GPC5: variants seen among roughly 807,000 people sequenced by gnomAD.
The protein encoded by GPC5 is glypican 5, also known as glypican-5.
A neutral mutation model predicts 53.9 loss-of-function variants in GPC5; 47 were observed. The observed-to-expected ratio is 0.87, with a 90% CI of 0.69 to 1.11. The LOEUF (loss-of-function observed/expected upper bound fraction) is 1.11. GPC5 is among the 50% of genes most tolerant of loss of function. The pLI, the probability that GPC5 is intolerant of heterozygous loss-of-function variation, is 0.00. For missense variants in GPC5, 748 were observed against 713.1 expected, an observed-to-expected ratio of 1.05 and a Z score of -0.56; for synonymous variants, 286 against 263.3, an observed-to-expected ratio of 1.09 and a Z score of -0.84.
chr13:91,430,432 T>C (rs74711055), intron 1 of GPC5, among the ~76,000 whole-genome samples: 5,459 of 152,274 alleles, frequency 0.036, 145 homozygotes, highest in Middle Eastern at 0.068. Flanking sequence ...ATAAAGTCAA[T>C]AAAATATGAA....
In GPC5 at chr13:91,596,006, T is replaced by G. The variant is rs568901956; in HGVS notation, c.326-97181T>G. ...CTTTTTCTCTTTGTAGTTCAAGTATTTCTTGCTTCAGGTATTTTGAATTTT... is the reference window on the plus strand; with the variant it reads ...CTTTTTCTCTTTGTAGTTCAAGTATGTCTTGCTTCAGGTATTTTGAATTTT... On this transcript the variant is annotated intron_variant, in intron 2 of 7. Transcript: ENST00000377067. Among the ~76,000 whole-genome samples the G allele has an allele frequency of 2.6e-5, 4 of 152,344 alleles. No homozygotes were observed. In the South Asian group the frequency reaches 8.3e-4, roughly 32 times the overall value.
At chr13:92,036,798 A>G (rs1341719625) in intron 6 of GPC5, among the ~76,000 whole-genome samples, 1 of 152,216 alleles carries the variant, frequency 6.6e-6, no homozygotes. Context: ...AACAAGAATT[A>G]GTTAACAAAG....
chr13:91,777,272 T>C (rs1384758887), intron 5 of GPC5, among the ~76,000 whole-genome samples: 1 of 152,248 alleles, frequency 6.6e-6, no homozygotes, highest in Non-Finnish European at 1.5e-5. Flanking sequence ...ATATCCTTTT[T>C]TCTTGTATTC....
intron 1 of GPC5, among the ~76,000 whole-genome samples, chr13:91,419,645 A>G (rs1878468340): frequency 6.6e-6 from 1 of 152,352 alleles, no homozygotes; most frequent in African/African-American, 2.4e-5. Context: ...GATTGTGGTT[A>G]TCGTGGCCAG....
At chr13:91,900,506 G>T (rs1354117002) in intron 5 of GPC5, among the ~76,000 whole-genome samples, 2 of 151,988 alleles carry the variant, frequency 1.3e-5, no homozygotes, top group African/African-American at 4.8e-5. Context: ...AGCATTATTG[G>T]TAATTGATTA....
At chr13:91,461,171 G>A (rs572213340) in intron 2 of GPC5, among the ~76,000 whole-genome samples, 3 of 152,132 alleles carry the variant, frequency 2.0e-5, no homozygotes, top group Non-Finnish European at 2.9e-5. Context: ...AAAGATAATC[G>A]AACTTTTGCA....
At chr13:91,632,699 A>G (rs2034189465) in intron 2 of GPC5, among the ~76,000 whole-genome samples, 1 of 152,092 alleles carries the variant, frequency 6.6e-6, no homozygotes. Context: ...TATTAGGGGC[A>G]TGGTCCATAG....
intron 5 of GPC5, among the ~76,000 whole-genome samples, chr13:91,881,131 C>T (rs948271421): frequency 1.3e-5 from 2 of 151,858 alleles, no homozygotes; most frequent in African/African-American, 4.8e-5. Flanking sequence ...GGACAAAAGT[C>T]CCCAGAAATA....
intron 6 of GPC5, among the ~76,000 whole-genome samples, chr13:91,970,430 G>GCCC (rs200932010): frequency 1.3e-5 from 2 of 150,644 alleles, no homozygotes; most frequent in African/African-American, 4.9e-5. Context: ...GGAGTAGATT[G>GCCC]CCCCCCCCTC....
intron 6 of GPC5, among the ~76,000 whole-genome samples, chr13:91,930,635 A>G (rs1196925150): frequency 6.6e-6 from 1 of 152,016 alleles, no homozygotes; most frequent in African/African-American, 2.4e-5. Flanking sequence ...ATGGCAGCCC[A>G]ATAAATATGT....
At chr13:91,558,604 A>G (rs1010756527) in intron 2 of GPC5, among the ~76,000 whole-genome samples, 1 of 152,148 alleles carries the variant, frequency 6.6e-6, no homozygotes, top group Non-Finnish European at 1.5e-5. Context: ...TGGGACATCC[A>G]GTGACACTCA....
chr13:91,761,594 C>T (rs1240737819), intron 5 of GPC5, among the ~76,000 whole-genome samples: 1 of 152,086 alleles, frequency 6.6e-6, no homozygotes, highest in African/African-American at 2.4e-5. Flanking sequence ...TGGAGCAGCT[C>T]ATGGAATTCA....
chr13:92,095,593 G>A (rs756788445), intron 6 of GPC5, among the ~76,000 whole-genome samples: 2 of 152,064 alleles, frequency 1.3e-5, no homozygotes, highest in South Asian at 2.1e-4. Flanking sequence ...GGAGTGCAAC[G>A]GAACCATCTC....
chr13:91,830,904 TTATA>T (rs1033141678), intron 5 of GPC5, among the ~76,000 whole-genome samples: 3 of 135,226 alleles, frequency 2.2e-5, no homozygotes, highest in African/African-American at 8.3e-5. Context: ...ATATATCCTA[TTATA>T]TATAATATAT....
intron 7 of GPC5, among the ~76,000 whole-genome samples, chr13:92,359,329 C>A (rs1257126295): frequency 6.6e-6 from 1 of 151,690 alleles, no homozygotes; most frequent in Non-Finnish European, 1.5e-5. Flanking sequence ...CTACCTCACC[C>A]TGGACTTTAT....
intron 7 of GPC5, among the ~76,000 whole-genome samples, chr13:92,394,287 T>C (rs1875157941): frequency 6.6e-6 from 1 of 152,204 alleles, no homozygotes; most frequent in South Asian, 2.1e-4. Context: ...GTGTACGTAT[T>C]GTTGTGGACT....
chr13:92,859,009 G>T (rs1212865571), intron 7 of GPC5, among the ~76,000 whole-genome samples: 1 of 152,136 alleles, frequency 6.6e-6, no homozygotes, highest in South Asian at 2.1e-4. Flanking sequence ...GGAAACCAAG[G>T]CAGGGGTATC....
chr13:92,729,328 CTACATA>C, intron 7 of GPC5, among the ~76,000 whole-genome samples: 1 of 151,322 alleles, frequency 6.6e-6, no homozygotes, highest in East Asian at 1.9e-4. Flanking sequence ...TAGCCACTAA[CTACATA>C]TGTCTATTGA....
intron 6 of GPC5, among the ~76,000 whole-genome samples, chr13:91,918,674 A>G (rs894872041): frequency 1.3e-5 from 2 of 152,076 alleles, no homozygotes; most frequent in African/African-American, 2.4e-5. Flanking sequence ...TTCAGAAACC[A>G]ATAGCCTTTT....
Sources: gnomAD v4.1 joint callset for allele counts (sites outside exome capture counted in the v4.1 genomes callset) on GRCh38, gnomAD v4.1.1 for gene constraint, MANE v1.5 for transcripts, NCBI Gene and HGNC (gene_info 2026-07-23, HGNC 2026-07-21) for gene names.